DNAJC16: variants seen among roughly 807,000 people sequenced by gnomAD.
The protein encoded by DNAJC16 is DnaJ heat shock protein family (Hsp40) member C16, also known as dnaJ homolog subfamily C member 16.
DNAJC16 carries 76 observed loss-of-function variants against 92.7 expected under a neutral mutation model. The ratio of observed to expected loss-of-function variants is 0.82; its 90% CI spans 0.68 to 0.99. The LOEUF is 0.99. Ranked by LOEUF, DNAJC16 falls within the 50% of genes least tolerant of loss-of-function variation. The pLI is 0.00. For synonymous variants in DNAJC16, 328 were observed against 358.7 expected, an observed-to-expected ratio of 0.91 and a Z score of 0.97; for missense variants, 869 against 942.4, an observed-to-expected ratio of 0.92 and a Z score of 1.02.
rs979348672 is a variant in DNAJC16, at chr1:15,568,522, C to T, written c.*345C>T. On this transcript the variant is annotated 3_prime_UTR_variant, in exon 15 of 15. Transcript: ENST00000375847. ...GTCTTGGAGAAGCACAGGGCTCCAC[C>T]CTGCAAGCGGCATCTGGCGGACCCT... is the stretch of plus-strand genomic sequence containing the variant. The T allele has an allele frequency of 6.5e-5, 28 of 433,806 alleles. No homozygotes were observed. Among genetic ancestry groups the T allele is most frequent in the Non-Finnish European group, 1.0e-4 (25 of 246,912 alleles). The allele number at this position is 433,806 out of a possible 1,614,324, so 26.9% of individuals were successfully genotyped here. A position where few individuals can be genotyped will look rare whatever the true frequency, so the allele number is the denominator to read the frequency against.
At chr1:15,529,951 T>C (rs933193262) in intron 2 of DNAJC16, among the ~76,000 whole-genome samples, 23 of 152,370 alleles carry the variant, frequency 1.5e-4, no homozygotes, top group African/African-American at 4.8e-4. Flanking sequence ...ATGGTTGTTA[T>C]ACTGTTATTG....
chr1:15,559,619 G>T lies in DNAJC16; in HGVS notation c.1117G>T (p.Glu373Ter). 6.2e-7 allele frequency: 1 copy of T among 1,614,158 alleles called. No individual in the cohort carries two copies. Among genetic ancestry groups the T allele is most frequent in the Non-Finnish European group, 8.5e-7 (1 of 1,180,028 alleles). The change falls in exon 8 of 15, where the codon GAA becomes TAA. Residue 373 changes from glutamate to a stop codon, truncating the protein, a stop_gained. Coordinates refer to ENST00000375847, the MANE Select transcript of DNAJC16 (RefSeq NM_015291.4). LOFTEE classifies it high-confidence loss of function. Reference protein sequence around the residue: ...ARLTSQKLFHELCPVKRSHRQ... With the variant: ...ARLTSQKLFH ...GCTCACCAGCCAGAAGTTGTTCCAT[G>T]AACTCTGCCCTGTGAAACGGTCGCA...
At position 15,567,775 on chromosome 1, in the gene DNAJC16, C is replaced by T. The variant is rs371235890; in HGVS notation, c.1950-3C>T. On this transcript the variant is annotated splice_polypyrimidine_tract_variant and splice_region_variant and intron_variant, in intron 14 of 14. Coordinates refer to ENST00000375847, the MANE Select transcript of DNAJC16 (RefSeq NM_015291.4). ...TGAGTCCTCAATTCTCTTCTTCCTA[C>T]AGGAGCAGCTGCCTACACTTCTCCT... The T allele has an allele frequency of 1.0e-4, 166 of 1,610,410 alleles. No individual in the cohort carries two copies. Among genetic ancestry groups the T allele is most frequent in the Non-Finnish European group, 1.3e-4 (149 of 1,178,028 alleles).
chr1:15,548,203 C>T, intron 6 of DNAJC16, 67 bp from the exon 7 acceptor site: 2 of 1,537,110 alleles, frequency 1.3e-6, no homozygotes, highest in Non-Finnish European at 1.8e-6. Context: ...TGAAAAAGCC[C>T]TACTTGATTT....
intron 7 of DNAJC16, among the ~76,000 whole-genome samples, chr1:15,554,805 T>G (rs1638527593): frequency 6.6e-6 from 1 of 152,076 alleles, no homozygotes; most frequent in Admixed American, 6.6e-5. Flanking sequence ...TATACGGCTT[T>G]TAGAAGCTCT....
At chr1:15,549,365 T>G (rs1638388516) in intron 7 of DNAJC16, among the ~76,000 whole-genome samples, 1 of 152,134 alleles carries the variant, frequency 6.6e-6, no homozygotes, top group African/African-American at 2.4e-5. Flanking sequence ...GTATCATCAG[T>G]AAATGGTTAG....
At chr1:15,558,249 T>C (rs1376797079) in intron 7 of DNAJC16, among the ~76,000 whole-genome samples, 1 of 144,368 alleles carries the variant, frequency 6.9e-6, no homozygotes, top group Non-Finnish European at 1.5e-5. Flanking sequence ...GGTGTGATCC[T>C]AGCTCACTGC....
intron 4 of DNAJC16, among the ~76,000 whole-genome samples, chr1:15,538,345 A>G (rs1032197944): frequency 2.0e-5 from 3 of 151,960 alleles, no homozygotes; most frequent in Admixed American, 2.0e-4. Context: ...CAGTGAGCCA[A>G]GATCGTGCCA....
At chr1:15,550,954 C>T (rs1638429673) in intron 7 of DNAJC16, among the ~76,000 whole-genome samples, 1 of 152,234 alleles carries the variant, frequency 6.6e-6, no homozygotes, top group Admixed American at 6.5e-5. Context: ...ACTGCAACCT[C>T]CGCCTCCCGG....
rs533320850 is a variant in DNAJC16, at chr1:15,558,439, G to A, written c.1024-1087G>A. Among the ~76,000 whole-genome samples the A allele has an allele frequency of 2.6e-5, 4 of 152,066 alleles. No individual in the cohort carries two copies. The South Asian group carries it at 6.2e-4, about 24-fold the overall frequency. On this transcript the variant is annotated intron_variant, in intron 7 of 14. Transcript: ENST00000375847. ...TAAGCTCAAGCAATCCTCCTGCTTC[G>A]GCCTCCCAAAGTTCGGGGATTATAG...
intron 7 of DNAJC16, among the ~76,000 whole-genome samples, chr1:15,552,892 G>A (rs565653417): frequency 7.5e-5 from 11 of 147,444 alleles, no homozygotes; most frequent in Admixed American, 2.7e-4. Flanking sequence ...CTCAGCCTTC[G>A]GAGTAGCTGG....
Position 15,568,841 on chromosome 1 carries a change from T to C in DNAJC16, c.*664T>C. On this transcript the variant is annotated 3_prime_UTR_variant, in exon 15 of 15. Coordinates refer to ENST00000375847, the MANE Select transcript of DNAJC16 (RefSeq NM_015291.4). ...GTTCTCAAGAAAAGGAAAGGGAGGC[T>C]GAGCAGTGGCTGAAGCGATGCAGCC... The C allele has an allele frequency of 2.5e-6, 1 of 397,626 alleles. No homozygotes were observed. Among genetic ancestry groups the C allele is most frequent in the Non-Finnish European group, 4.4e-6 (1 of 225,692 alleles). 24.6% of individuals were successfully genotyped at this position (397,626 alleles called of 1,614,324 possible). A position where few individuals can be genotyped will look rare whatever the true frequency, so the allele number is the denominator to read the frequency against.
rs1339602823 is a variant in DNAJC16, at chr1:15,562,173, A to G, written c.1186A>G (p.Thr396Ala). ...YCVVLLTAET[T>A]KLSKPFEAFL... ...TGTGGTTTTATTGACTGCTGAGACT[A>G]CCAAGTTGAGCAAACCCTTTGAGGC... The change falls in exon 9 of 15, where the codon ACC (threonine) becomes GCC (alanine). Residue 396 changes from threonine to alanine, a missense_variant. Transcript: ENST00000375847. 1.2e-6 allele frequency: 2 copies of G among 1,613,876 alleles called. No homozygotes were observed. Among genetic ancestry groups the G allele is most frequent in the African/African-American group, 2.7e-5 (2 of 74,926 alleles).
chr1:15,560,071 A>AAAAAC (rs1276756559), intron 8 of DNAJC16: 1 of 153,876 alleles, frequency 6.5e-6, no homozygotes, highest in African/African-American at 2.4e-5. Flanking sequence ...CTCAAAAAAA[A>AAAAAC]AAAAAAAAAA....
chr1:15,529,381 A>G, intron 2 of DNAJC16, 109 bp downstream of exon 2: 1 of 1,106,314 alleles, frequency 9.0e-7, no homozygotes. Flanking sequence ...TGTTCAATAT[A>G]TATATCTGTC....
At chr1:15,562,722 A>G (rs1464865501) in intron 9 of DNAJC16, among the ~76,000 whole-genome samples, 1 of 151,756 alleles carries the variant, frequency 6.6e-6, no homozygotes, top group Non-Finnish European at 1.5e-5. Context: ...TCCCGAGCTC[A>G]GGCAATCCTC....
rs1638924277 is a variant in DNAJC16 at position 15,570,534 on chromosome 1, C to T, written c.*2357C>T. 6.6e-6 allele frequency: 1 copy of T among 152,078 alleles called. No individual in the cohort carries two copies. Among genetic ancestry groups the T allele is most frequent in the African/African-American group, 2.4e-5 (1 of 41,424 alleles). 9.4% of individuals were successfully genotyped at this position (152,078 alleles called of 1,614,324 possible). ...TTTGTTCATTTTTAAACATTTTTAT[C>T]TCTTCAAGTCATCTTTTGATCTTTT... is the stretch of plus-strand genomic sequence containing the variant. On this transcript the variant is annotated 3_prime_UTR_variant, in exon 15 of 15. Transcript: ENST00000375847.
At chr1:15,543,977 G>GT (rs1710994180) in intron 4 of DNAJC16, among the ~76,000 whole-genome samples, 1 of 152,092 alleles carries the variant, frequency 6.6e-6, no homozygotes, top group Admixed American at 6.6e-5. Context: ...GAGAAGTCTA[G>GT]TAGACATCCA....
chr1:15,552,766 A>ATTTTTTTTTTTTTTTTTTTT (rs1247280903), intron 7 of DNAJC16, among the ~76,000 whole-genome samples: 2 of 125,920 alleles, frequency 1.6e-5, no homozygotes, highest in African/African-American at 2.8e-5. Context: ...TATTATTATT[A>ATTTTTTTTTTTTTTTTTTTT]TTTATTTTTT....
Sources: gnomAD v4.1 joint callset for allele counts (sites outside exome capture counted in the v4.1 genomes callset) on GRCh38, gnomAD v4.1.1 for gene constraint, MANE v1.5 for transcripts, NCBI Gene and HGNC (gene_info 2026-07-23, HGNC 2026-07-21) for gene names.